Variants in PELI2 observed in about 807,000 individuals in gnomAD.
The protein encoded by PELI2 is pellino E3 ubiquitin protein ligase family member 2, also known as E3 ubiquitin-protein ligase pellino homolog 2.
In PELI2, 23 loss-of-function variants were observed where a neutral mutation model predicts 42.3. The observed-to-expected ratio is 0.54, with a 90% CI of 0.39 to 0.77. The LOEUF is 0.77. Ranked by LOEUF, PELI2 falls within the 30% of genes least tolerant of loss-of-function variation. The probability of loss-of-function intolerance (pLI) is 0.00; values close to 1 mark genes in which losing one functional copy is unlikely to be tolerated. For missense variants in PELI2, 463 were observed against 553.2 expected, an observed-to-expected ratio of 0.84 and a Z score of 1.64; for synonymous variants, 245 against 212.2, an observed-to-expected ratio of 1.15 and a Z score of -1.34.
chr14:56,243,079 C>T (rs1296168747), intron 2 of PELI2, among the ~76,000 whole-genome samples: 1 of 151,830 alleles, frequency 6.6e-6, no homozygotes, highest in East Asian at 1.9e-4. Flanking sequence ...AATTTGATTT[C>T]CAGATATTTG....
At chr14:56,207,346 T>C (rs575053665) in intron 2 of PELI2, among the ~76,000 whole-genome samples, 2 of 152,290 alleles carry the variant, frequency 1.3e-5, no homozygotes, top group South Asian at 4.1e-4. Flanking sequence ...ATATATTATT[T>C]AATTGCTCCA....
At chr14:56,264,223 C>A (rs936516934) in intron 2 of PELI2, among the ~76,000 whole-genome samples, 2 of 152,068 alleles carry the variant, frequency 1.3e-5, no homozygotes, top group African/African-American at 2.4e-5. Flanking sequence ...ATATTTAGTG[C>A]TAAGTTTTTC....
Position 56,178,362 on chromosome 14 carries a change from T to C in PELI2, c.105T>C (p.Asp35=), listed in dbSNP as rs756500547. ...ACAATGGTGCTTTACCCAATGGAGA[T>C]AGAGGACGGAGGAAAAGTAGATTTG... ...LGYNGALPNG[D]RGRRKSRFAL... is the part of the protein sequence containing the mutation. Residue 35 remains aspartate (D), a synonymous_variant, in exon 2 of 6, where the codon GAT becomes GAC. Transcript: ENST00000267460. 2.5e-5 allele frequency: 40 copies of C among 1,613,962 alleles called. No individual in the cohort carries two copies. Among genetic ancestry groups the C allele is most frequent in the Non-Finnish European group, 3.1e-5 (36 of 1,179,934 alleles).
rs925039659 is a variant in PELI2 at position 56,298,676 on chromosome 14, G to A, written c.*1510G>A. Reference sequence around the variant, plus strand: ...GCAAATATTTTGCCTATTTTCAGTCGTTCTAACCTATTTGAATACGCTTTT... The same window carrying A: ...GCAAATATTTTGCCTATTTTCAGTCATTCTAACCTATTTGAATACGCTTTT... On this transcript the variant is annotated 3_prime_UTR_variant, in exon 6 of 6. Transcript: ENST00000267460. The A allele has an allele frequency of 6.6e-6, 1 of 152,556 alleles. No homozygotes were observed. Among genetic ancestry groups the A allele is most frequent in the African/African-American group, 2.4e-5 (1 of 41,490 alleles). 9.5% of individuals were successfully genotyped at this position (152,556 alleles called of 1,614,324 possible). A position where few individuals can be genotyped will look rare whatever the true frequency, so the allele number is the denominator to read the frequency against.
chr14:56,149,316 C>A (rs145856808), intron 1 of PELI2, among the ~76,000 whole-genome samples: 167 of 152,226 alleles, frequency 1.1e-3, no homozygotes, highest in African/African-American at 3.6e-3. Context: ...TGTGCTTTTC[C>A]CTGTTTAACT....
At chr14:56,200,922 T>C (rs1241237554) in intron 2 of PELI2, among the ~76,000 whole-genome samples, 1 of 152,240 alleles carries the variant, frequency 6.6e-6, no homozygotes, top group Non-Finnish European at 1.5e-5. Flanking sequence ...GTCTAAAGAT[T>C]TCACAAGTTT....
At position 56,248,765 on chromosome 14, in the gene PELI2, C is replaced by T. The variant is rs553973359; in HGVS notation, c.208-30911C>T. On this transcript the variant is annotated intron_variant, in intron 2 of 5. Coordinates refer to ENST00000267460, the MANE Select transcript of PELI2 (RefSeq NM_021255.3). ...TCAGGCTCAGGCACAGAGGAGACAC[C>T]GAGAGGGCTGTTGCTGCTCCTTAGT... 6.4e-4 allele frequency among the ~76,000 whole-genome samples: 97 copies of T among 151,902 alleles called. 1 individual carries two copies. The highest frequency in any genetic ancestry group is 2.2e-3 in the African/African-American group (90 of 41,428).
chr14:56,241,828 T>G (rs965080126), intron 2 of PELI2, among the ~76,000 whole-genome samples: 5 of 152,196 alleles, frequency 3.3e-5, no homozygotes, highest in African/African-American at 1.2e-4. Context: ...GGTTCTGTAC[T>G]TAGCCCAACA....
At chr14:56,232,072 C>T (rs1430144113) in intron 2 of PELI2, among the ~76,000 whole-genome samples, 4 of 152,108 alleles carry the variant, frequency 2.6e-5, no homozygotes, top group Non-Finnish European at 4.4e-5. Flanking sequence ...GAAGTTGAAC[C>T]CCTGGATAGA....
At chr14:56,162,815 A>C (rs1884813393) in intron 1 of PELI2, among the ~76,000 whole-genome samples, 1 of 152,204 alleles carries the variant, frequency 6.6e-6, no homozygotes, top group South Asian at 2.1e-4. Flanking sequence ...AACTGGGGTG[A>C]AATGATATCT....
At chr14:56,228,768 G>C (rs925073077) in intron 2 of PELI2, among the ~76,000 whole-genome samples, 9 of 152,226 alleles carry the variant, frequency 5.9e-5, no homozygotes, top group Admixed American at 5.9e-4. Context: ...AGTGGGTGCA[G>C]CCCACGGAGT....
At chr14:56,276,164 C>A (rs574613925) in intron 2 of PELI2, among the ~76,000 whole-genome samples, 1 of 152,286 alleles carries the variant, frequency 6.6e-6, no homozygotes, top group East Asian at 1.9e-4. Context: ...TTCCGTAAGA[C>A]ATGACCCAAG....
chr14:56,286,838 T>C (rs1889661381), intron 3 of PELI2, among the ~76,000 whole-genome samples: 1 of 152,164 alleles, frequency 6.6e-6, no homozygotes, highest in Non-Finnish European at 1.5e-5. Flanking sequence ...AGAGGTTAGA[T>C]TTAAGTGGAA....
chr14:56,183,203 A>G (rs1885649496), intron 2 of PELI2, among the ~76,000 whole-genome samples: 1 of 152,186 alleles, frequency 6.6e-6, no homozygotes, highest in South Asian at 2.1e-4. Flanking sequence ...TTTAGATGTC[A>G]TAAACATGAA....
Position 56,296,803 on chromosome 14 carries a change from G to A in PELI2, c.900G>A (p.Glu300=). ...TLAFPSINRK[E]VVEEKQPWAY... ...CCTTCCCCAGCATCAACAGGAAAGA[G>A]GTGGTGGAGGAGAAGCAGCCCTGGG... Residue 300 remains glutamate, a synonymous_variant, in exon 6 of 6, where the codon GAG becomes GAA. Coordinates refer to ENST00000267460, the MANE Select transcript of PELI2 (RefSeq NM_021255.3). 6.2e-7 allele frequency: 1 copy of A among 1,614,142 alleles called. No individual in the cohort carries two copies.
chr14:56,153,975 A>G (rs1205383040), intron 1 of PELI2, among the ~76,000 whole-genome samples: 1 of 152,236 alleles, frequency 6.6e-6, no homozygotes, highest in African/African-American at 2.4e-5. Context: ...GTACCATTAG[A>G]AATTAAAACA....
At chr14:56,179,295 A>G (rs1057138525) in intron 2 of PELI2, among the ~76,000 whole-genome samples, 1 of 152,258 alleles carries the variant, frequency 6.6e-6, no homozygotes, top group African/African-American at 2.4e-5. Flanking sequence ...ACCACCTGGC[A>G]TATAAATGAG....
At chr14:56,244,041 A>G (rs1355004894) in intron 2 of PELI2, among the ~76,000 whole-genome samples, 1 of 152,204 alleles carries the variant, frequency 6.6e-6, no homozygotes, top group Non-Finnish European at 1.5e-5. Flanking sequence ...GACAGAGTAC[A>G]GTGGCCTCTC....
At chr14:56,266,345 T>C (rs1888902995) in intron 2 of PELI2, among the ~76,000 whole-genome samples, 1 of 152,004 alleles carries the variant, frequency 6.6e-6, no homozygotes, top group Non-Finnish European at 1.5e-5. Context: ...TGGGAAGATT[T>C]GCAACTCATA....
Sources: gnomAD v4.1 joint callset for allele counts (sites outside exome capture counted in the v4.1 genomes callset) on GRCh38, gnomAD v4.1.1 for gene constraint, MANE v1.5 for transcripts, NCBI Gene and HGNC (gene_info 2026-07-23, HGNC 2026-07-21) for gene names.